The following RBMS3 variants were observed in gnomAD, a reference collection of about 807,000 sequenced individuals.
The protein encoded by RBMS3 is RNA binding motif single stranded interacting protein 3.
A neutral mutation model predicts 66.8 loss-of-function variants in RBMS3; 27 were observed. The observed-to-expected ratio is 0.40, with a 90% CI of 0.30 to 0.56. The LOEUF (loss-of-function observed/expected upper bound fraction) is 0.56, where lower values mean the gene tolerates loss of function less well. Among genes scored for constraint, RBMS3 ranks in the 20% least tolerant of loss-of-function variants. The pLI, the probability that RBMS3 is intolerant of heterozygous loss-of-function variation, is 0.40. For missense variants in RBMS3, 513 were observed against 549.5 expected, an observed-to-expected ratio of 0.93 and a Z score of 0.66; for synonymous variants, 188 against 183.0, an observed-to-expected ratio of 1.03 and a Z score of -0.22.
chr3:29,879,792 C>T (rs2059693865), intron 7 of RBMS3, among the ~76,000 whole-genome samples: 1 of 146,926 alleles, frequency 6.8e-6, no homozygotes, highest in South Asian at 2.1e-4. Flanking sequence ...ATACTTTCAA[C>T]AATGGTTAAA....
At chr3:29,643,468 C>A (rs1241631594) in intron 4 of RBMS3, among the ~76,000 whole-genome samples, 2 of 152,030 alleles carry the variant, frequency 1.3e-5, no homozygotes, top group Non-Finnish European at 1.5e-5. Context: ...CCCTGCATTG[C>A]CGAGGGTGTC....
chr3:29,972,574 AC>A (rs1057186724), intron 12 of RBMS3, among the ~76,000 whole-genome samples: 4 of 151,896 alleles, frequency 2.6e-5, no homozygotes, highest in African/African-American at 9.7e-5. Flanking sequence ...GACTAAAAAA[AC>A]AGATTAAAAA....
rs1368577983 is a variant in RBMS3 at position 29,326,005 on chromosome 3, T to C, written c.75+44249T>C. 2.0e-5 allele frequency among the ~76,000 whole-genome samples: 3 copies of C among 152,206 alleles called. No individual in the cohort carries two copies. In the East Asian group the frequency reaches 5.8e-4, roughly 29 times the overall value. On this transcript the variant is annotated intron_variant, in intron 1 of 14. Transcript: ENST00000383767. The stretch of plus-strand genomic sequence containing the variant: ...GCAATCCTGAATCACCTTTCCATCC[T>C]TGCTTTATTAACTTTACACTTGACT...
intron 4 of RBMS3, among the ~76,000 whole-genome samples, chr3:29,636,484 G>A (rs528721781): frequency 2.0e-5 from 3 of 152,040 alleles, no homozygotes; most frequent in South Asian, 4.1e-4. Flanking sequence ...AGGTATGTGC[G>A]AGGGGAGGGT....
chr3:29,548,063 A>G (rs1173794897), intron 3 of RBMS3, among the ~76,000 whole-genome samples: 2 of 151,922 alleles, frequency 1.3e-5, no homozygotes, highest in Non-Finnish European at 2.9e-5. Context: ...CCAAACTGCA[A>G]TGAGGATTAC....
intron 5 of RBMS3, among the ~76,000 whole-genome samples, chr3:29,742,395 A>G (rs1267040055): frequency 6.6e-6 from 1 of 151,828 alleles, no homozygotes; most frequent in East Asian, 1.9e-4. Context: ...TCACTTGCCA[A>G]CCTCTCCAGC....
intron 12 of RBMS3, among the ~76,000 whole-genome samples, chr3:29,946,216 T>G (rs752346226): frequency 6.6e-6 from 1 of 151,696 alleles, no homozygotes; most frequent in Admixed American, 6.6e-5. Context: ...CAATGACTTT[T>G]GAGAAATTGA....
chr3:29,329,726 G>A (rs1364963977), intron 1 of RBMS3, among the ~76,000 whole-genome samples: 1 of 151,328 alleles, frequency 6.6e-6, no homozygotes, highest in Admixed American at 6.6e-5. Context: ...TCTAGCATCT[G>A]AGTGGTAAAC....
intron 1 of RBMS3, among the ~76,000 whole-genome samples, chr3:29,331,107 T>C (rs560246160): frequency 6.6e-6 from 1 of 152,316 alleles, no homozygotes; most frequent in South Asian, 2.1e-4. Flanking sequence ...GAATTGATTA[T>C]GCTGATGGGA....
At chr3:29,331,911 C>G (rs2035687887) in intron 1 of RBMS3, among the ~76,000 whole-genome samples, 1 of 145,610 alleles carries the variant, frequency 6.9e-6, no homozygotes, top group South Asian at 2.2e-4. Flanking sequence ...TCTATTAGAG[C>G]ACAGGCCACA....
At chr3:29,540,583 T>C (rs557034595) in intron 3 of RBMS3, among the ~76,000 whole-genome samples, 1 of 152,362 alleles carries the variant, frequency 6.6e-6, no homozygotes, top group South Asian at 2.1e-4. Context: ...ACATACATGA[T>C]GTTACTATAT....
chr3:29,742,916 T>G (rs2054706559), intron 5 of RBMS3, among the ~76,000 whole-genome samples: 1 of 152,210 alleles, frequency 6.6e-6, no homozygotes, highest in Non-Finnish European at 1.5e-5. Flanking sequence ...CCATGTGGAC[T>G]GAAAAGGCAA....
intron 2 of RBMS3, among the ~76,000 whole-genome samples, chr3:29,440,944 A>C (rs555263202): frequency 2.0e-5 from 3 of 152,170 alleles, no homozygotes; most frequent in Non-Finnish European, 2.9e-5. Context: ...GTCATCATGC[A>C]CTCCAGGGTA....
At chr3:29,760,012 C>G (rs1191121127) in intron 5 of RBMS3, among the ~76,000 whole-genome samples, 1 of 152,048 alleles carries the variant, frequency 6.6e-6, no homozygotes, top group Non-Finnish European at 1.5e-5. Context: ...TTAGTTAAAT[C>G]TGAATGAACC....
At chr3:29,912,634 T>C (rs1355237086) in intron 10 of RBMS3, among the ~76,000 whole-genome samples, 1 of 152,094 alleles carries the variant, frequency 6.6e-6, no homozygotes, top group Non-Finnish European at 1.5e-5. Flanking sequence ...TGGACATTTC[T>C]TTTATTAACT....
chr3:29,662,288 C>T (rs1287226603), intron 4 of RBMS3, among the ~76,000 whole-genome samples: 1 of 152,120 alleles, frequency 6.6e-6, no homozygotes, highest in Non-Finnish European at 1.5e-5. Context: ...TTTGACATCT[C>T]CTAGTTTTTC....
chr3:29,995,407 C>A lies in RBMS3; in HGVS notation c.1307+4198C>A, dbSNP rs978862103. Among the ~76,000 whole-genome samples the A allele has an allele frequency of 1.0e-3, 153 of 152,234 alleles. 1 individual carries two copies. The highest frequency in any genetic ancestry group is 3.6e-3 in the African/African-American group (149 of 41,536). ...GGCCAACGTTCAGATTCAGGAAATA[C>A]AGAGAACGCCACAAAGATACTCCTC... On this transcript the variant is annotated intron_variant, in intron 14 of 14. Coordinates refer to ENST00000383767, the MANE Select transcript of RBMS3 (RefSeq NM_001003793.3).
chr3:29,934,076 TC>T (rs2061201659), intron 10 of RBMS3: 1 of 152,042 alleles, frequency 6.6e-6, no homozygotes, highest in African/African-American at 2.4e-5. Flanking sequence ...GAAGAAAGTA[TC>T]CTTACCAAAC....
rs545487057 is a variant in RBMS3, at chr3:29,601,600, T to G, written c.399+14395T>G. On this transcript the variant is annotated intron_variant, in intron 4 of 14. Transcript: ENST00000383767. ...ACTTGTGTTTGCCTTAATAAAATATTGCCAATAATCCTCGAGTATTAAAAA... is the reference window on the plus strand; with the variant it reads ...ACTTGTGTTTGCCTTAATAAAATATGGCCAATAATCCTCGAGTATTAAAAA... 3.3e-5 allele frequency among the ~76,000 whole-genome samples: 5 copies of G among 152,140 alleles called. No homozygotes were observed. In the South Asian group the frequency reaches 1.0e-3, roughly 32 times the overall value.
Sources: gnomAD v4.1 joint callset for allele counts (sites outside exome capture counted in the v4.1 genomes callset) on GRCh38, gnomAD v4.1.1 for gene constraint, MANE v1.5 for transcripts, NCBI Gene and HGNC (gene_info 2026-07-23, HGNC 2026-07-21) for gene names.